COL24A1: variants seen among roughly 807,000 people sequenced by gnomAD.
COL24A1 encodes collagen type XXIV alpha 1 chain, also known as collagen alpha-1(XXIV) chain.
COL24A1 carries 224 observed loss-of-function variants against 253.9 expected under a neutral mutation model. That is an observed-to-expected ratio of 0.88 (90% confidence interval 0.79 to 0.99). The LOEUF (loss-of-function observed/expected upper bound fraction) is 0.99, where lower values mean the gene tolerates loss of function less well. COL24A1 is among the 50% of genes least tolerant of loss of function. The probability of loss-of-function intolerance (pLI) is 0.00; values close to 1 mark genes in which losing one functional copy is unlikely to be tolerated. For missense variants in COL24A1, 2,131 were observed against 2,068.5 expected (o/e 1.03, Z -0.59); for synonymous variants, 685 against 673.7 (o/e 1.02, Z -0.26).
chr1:86,060,916 C>T (rs922166276), intron 8 of COL24A1, among the ~76,000 whole-genome samples: 2 of 151,556 alleles, frequency 1.3e-5, no homozygotes, highest in Non-Finnish European at 2.9e-5. Flanking sequence ...TATTTTATTC[C>T]TATAACATTT....
intron 12 of COL24A1, among the ~76,000 whole-genome samples, chr1:86,043,677 A>G (rs911725223): frequency 1.2e-4 from 18 of 151,934 alleles, no homozygotes; most frequent in Non-Finnish European, 1.9e-4. Flanking sequence ...ACAGGCACAC[A>G]CCACCACGCC....
At chr1:86,103,233 A>G (rs1704633445) in intron 5 of COL24A1, among the ~76,000 whole-genome samples, 1 of 151,886 alleles carries the variant, frequency 6.6e-6, no homozygotes, top group Non-Finnish European at 1.5e-5. Flanking sequence ...CATTTGCTTG[A>G]TAGATTTTTC....
chr1:86,102,525 T>C (rs1333418287), intron 5 of COL24A1, among the ~76,000 whole-genome samples: 1 of 152,176 alleles, frequency 6.6e-6, no homozygotes, highest in East Asian at 1.9e-4. Flanking sequence ...TTTAGTGCAA[T>C]ACATTTCCCC....
chr1:85,730,417 T>C lies in COL24A1; in HGVS notation c.*129A>G, dbSNP rs1431168792. On this transcript the variant is annotated 3_prime_UTR_variant, in exon 60 of 60. Transcript: ENST00000370571. ...TTCTTAGGAGGAAGTCTGTTCTTCC[T>C]GAGATTCTTTAAGATTTAGCCAATG... is the stretch of plus-strand genomic sequence containing the variant. 1 of 962,316 alleles carries C rather than the reference T, an allele frequency of 1.0e-6. No homozygotes were observed. The highest frequency in any genetic ancestry group is 1.5e-6 in the Non-Finnish European group (1 of 668,504). The allele number at this position is 962,316 out of a possible 1,614,324, so 59.6% of individuals were successfully genotyped here.
intron 37 of COL24A1, among the ~76,000 whole-genome samples, chr1:85,853,999 T>C (rs560940564): frequency 1.4e-4 from 21 of 152,338 alleles, no homozygotes; most frequent in African/African-American, 4.3e-4. Flanking sequence ...TTGTTTTTGA[T>C]GCAATTGCTT....
At chr1:86,052,517 T>A (rs180916042) in intron 10 of COL24A1, among the ~76,000 whole-genome samples, 12 of 152,192 alleles carry the variant, frequency 7.9e-5, no homozygotes, top group Middle Eastern at 6.8e-3. Flanking sequence ...ACTTGCATGA[T>A]GTACTTATAG....
intron 28 of COL24A1, among the ~76,000 whole-genome samples, chr1:85,899,869 G>A (rs1558581690): frequency 2.0e-5 from 3 of 152,248 alleles, no homozygotes; most frequent in Non-Finnish European, 4.4e-5. Flanking sequence ...GAAGTCTGTA[G>A]ATGTTAGGTG....
At chr1:86,071,965 A>G (rs1701907445) in intron 7 of COL24A1, among the ~76,000 whole-genome samples, 1 of 152,196 alleles carries the variant, frequency 6.6e-6, no homozygotes, top group African/African-American at 2.4e-5. Flanking sequence ...CTTGTGGGAC[A>G]GAGCTATCCA....
chr1:85,813,445 G>A (rs1343665203), intron 47 of COL24A1, among the ~76,000 whole-genome samples: 1 of 141,538 alleles, frequency 7.1e-6, no homozygotes, highest in African/African-American at 2.7e-5. Flanking sequence ...AGAAGCCAAA[G>A]CTGAAAGACC....
chr1:86,148,468 G>A (rs12068500), intron 1 of COL24A1, among the ~76,000 whole-genome samples: 2 of 151,986 alleles, frequency 1.3e-5, no homozygotes, highest in East Asian at 3.9e-4. Flanking sequence ...CATCTAGCAT[G>A]AGGTATATCT....
At chr1:86,065,746 T>C (rs1052520225) in intron 7 of COL24A1, among the ~76,000 whole-genome samples, 6 of 117,244 alleles carry the variant, frequency 5.1e-5, no homozygotes, top group African/African-American at 2.2e-4. Context: ...CTGAGCAATA[T>C]AGCAACCTCT....
chr1:85,810,530 T>C (rs1251900171), intron 47 of COL24A1, among the ~76,000 whole-genome samples: 5 of 152,082 alleles, frequency 3.3e-5, no homozygotes, highest in Admixed American at 3.3e-4. Context: ...GTTTGGATAT[T>C]TGTCCCTGCC....
At chr1:85,990,802 A>G (rs538634576) in intron 19 of COL24A1, among the ~76,000 whole-genome samples, 3 of 152,186 alleles carry the variant, frequency 2.0e-5, no homozygotes, top group Non-Finnish European at 4.4e-5. Context: ...TAAGTTCATA[A>G]TGATACAACA....
intron 47 of COL24A1, among the ~76,000 whole-genome samples, chr1:85,815,465 G>C: frequency 6.6e-6 from 1 of 152,118 alleles, no homozygotes; most frequent in Non-Finnish European, 1.5e-5. Flanking sequence ...GCCGTAACCT[G>C]ATGCCATGAG....
chr1:85,757,522 C>A (rs1351888131), intron 55 of COL24A1, among the ~76,000 whole-genome samples: 4 of 151,974 alleles, frequency 2.6e-5, no homozygotes, highest in Non-Finnish European at 5.9e-5. Flanking sequence ...TGCTAAGGTA[C>A]CAGCAATTTT....
intron 24 of COL24A1, among the ~76,000 whole-genome samples, chr1:85,920,625 G>T (rs1686356172): frequency 6.6e-6 from 1 of 151,830 alleles, no homozygotes; most frequent in Non-Finnish European, 1.5e-5. Flanking sequence ...GTAGAAATGG[G>T]AAAAATAGAA....
intron 58 of COL24A1, chr1:85,736,562 A>G (rs1177574897): frequency 2.0e-5 from 9 of 446,548 alleles, no homozygotes; most frequent in Admixed American, 1.4e-4. Context: ...GTGAATGCCT[A>G]TTAAGATAAA....
chr1:86,095,231 C>T (rs1703812165), intron 5 of COL24A1, among the ~76,000 whole-genome samples: 1 of 151,910 alleles, frequency 6.6e-6, no homozygotes, highest in Non-Finnish European at 1.5e-5. Context: ...GTTTAATCTC[C>T]ACTTTAAAAA....
intron 2 of COL24A1, among the ~76,000 whole-genome samples, chr1:86,144,709 C>G (rs1651637328): frequency 6.7e-6 from 1 of 149,464 alleles, no homozygotes; most frequent in Non-Finnish European, 1.5e-5. Flanking sequence ...AATATGAGCT[C>G]AAATCTTGGT....
Sources: allele counts gnomAD v4.1 joint callset (sites outside exome capture counted in the v4.1 genomes callset), GRCh38; gene constraint gnomAD v4.1.1; transcripts MANE v1.5; gene names NCBI Gene and HGNC (gene_info 2026-07-23, HGNC 2026-07-21).